The following FAM111B variants were observed in gnomAD, a reference collection of about 807,000 sequenced individuals.
FAM111B encodes serine protease FAM111B.
Under a neutral mutation model 2.8 loss-of-function variants are expected in FAM111B, and 1 was observed. That is an observed-to-expected ratio of 0.36 (90% confidence interval 0.13 to 1.70). The LOEUF is 1.70. FAM111B is among the 40% of genes most tolerant of loss of function. The pLI is 0.35. For synonymous variants in FAM111B, 297 were observed against 295.6 expected, an observed-to-expected ratio of 1.00 and a Z score of -0.05; for missense variants, 882 against 878.9, an observed-to-expected ratio of 1.00 and a Z score of -0.04.
chr11:59,120,363 T>C (rs1056570266), intron 3 of FAM111B, among the ~76,000 whole-genome samples: 2 of 152,218 alleles, frequency 1.3e-5, no homozygotes, highest in African/African-American at 4.8e-5. Flanking sequence ...AATTCATATG[T>C]TTAAATCCTA....
chr11:59,118,230 A>G (rs1473280983), intron 3 of FAM111B, among the ~76,000 whole-genome samples: 7 of 152,114 alleles, frequency 4.6e-5, no homozygotes, highest in Non-Finnish European at 1.0e-4. Context: ...CTTTTGATTC[A>G]GTTCCAGGAA....
intron 3 of FAM111B, among the ~76,000 whole-genome samples, chr11:59,114,689 G>A (rs989244200): frequency 1.3e-5 from 2 of 152,100 alleles, no homozygotes; most frequent in Non-Finnish European, 2.9e-5. Flanking sequence ...AACATTTCTT[G>A]CAAACCTACG....
chr11:59,109,799 G>A (rs572957821), intron 3 of FAM111B, 93 bp downstream of exon 3: 158 of 750,602 alleles, frequency 2.1e-4, no homozygotes, highest in Non-Finnish European at 2.8e-4. Context: ...AACAATGGTC[G>A]TTATAAGCCC....
intron 3 of FAM111B, among the ~76,000 whole-genome samples, chr11:59,119,934 A>T (rs1005270347): frequency 2.0e-5 from 3 of 152,222 alleles, no homozygotes; most frequent in Admixed American, 2.0e-4. Flanking sequence ...TTTTGAAACA[A>T]AAAATATTTA....
At chr11:59,109,429 C>G in intron 2 of FAM111B, 111 bp from the exon 3 acceptor site, 1 of 461,770 alleles carries the variant, frequency 2.2e-6, no homozygotes, top group Non-Finnish European at 3.9e-6. Flanking sequence ...AGCCATAGGG[C>G]TTACCTCATA....
intron 3 of FAM111B, among the ~76,000 whole-genome samples, chr11:59,113,844 T>A (rs1859799176): frequency 6.6e-6 from 1 of 152,192 alleles, no homozygotes; most frequent in African/African-American, 2.4e-5. Flanking sequence ...GTTTTCCAAT[T>A]TGACAGAAAA....
At chr11:59,118,813 G>T (rs1482886948) in intron 3 of FAM111B, among the ~76,000 whole-genome samples, 2 of 152,088 alleles carry the variant, frequency 1.3e-5, no homozygotes, top group East Asian at 3.8e-4. Flanking sequence ...ATGATTCTGT[G>T]TATATATAGA....
chr11:59,113,976 C>T (rs1431219045), intron 3 of FAM111B, among the ~76,000 whole-genome samples: 1 of 152,202 alleles, frequency 6.6e-6, no homozygotes, highest in Admixed American at 6.5e-5. Flanking sequence ...CTCTTGTGAA[C>T]CTTACATTTT....
chr11:59,118,665 G>A (rs564187883), intron 3 of FAM111B, among the ~76,000 whole-genome samples: 7 of 152,218 alleles, frequency 4.6e-5, no homozygotes, highest in Non-Finnish European at 1.0e-4. Context: ...AATCCTACAC[G>A]ATTAAGTATG....
At position 59,124,230 on chromosome 11, in the gene FAM111B, TC is replaced by T. The variant is rs1565190167; in HGVS notation, c.134del (p.Ser45LeufsTer3). The part of the protein sequence containing the change: ...HADTPVDHCL[S>X]GIRKCSSTFK... The stretch of plus-strand genomic sequence containing the variant: ...TGACACACCTGTTGATCATTGTCTA[TC>T]TGGCATAAGAAAGTGTAGCAGCACC... On this transcript the variant is annotated frameshift_variant, in exon 4 of 4. Transcript: ENST00000343597. LOFTEE classifies it low-confidence loss of function (END_TRUNC). 6.2e-7 allele frequency: 1 copy of T among 1,613,822 alleles called. No homozygotes were observed. The highest frequency in any genetic ancestry group is 1.1e-5 in the South Asian group (1 of 91,050).
At chr11:59,114,864 A>G (rs889484653) in intron 3 of FAM111B, among the ~76,000 whole-genome samples, 3 of 152,072 alleles carry the variant, frequency 2.0e-5, no homozygotes, top group Non-Finnish European at 4.4e-5. Flanking sequence ...AAGGGAAAAG[A>G]GAATGGCGGA....
intron 3 of FAM111B, among the ~76,000 whole-genome samples, chr11:59,114,405 G>A (rs548788925): frequency 2.0e-5 from 3 of 152,256 alleles, no homozygotes; most frequent in South Asian, 4.1e-4. Context: ...AAAGAGGAGG[G>A]GGCCTGCAGT....
At chr11:59,115,137 T>A (rs1859820261) in intron 3 of FAM111B, among the ~76,000 whole-genome samples, 1 of 152,166 alleles carries the variant, frequency 6.6e-6, no homozygotes, top group Admixed American at 6.5e-5. Flanking sequence ...GTTTTCCTCA[T>A]CAGACAAGAG....
chr11:59,117,744 A>G (rs1371571057), intron 3 of FAM111B, among the ~76,000 whole-genome samples: 1 of 152,210 alleles, frequency 6.6e-6, no homozygotes, highest in Non-Finnish European at 1.5e-5. Flanking sequence ...ACCCCAGGCA[A>G]AGCCTTCTTC....
chr11:59,122,628 C>A (rs991691177), intron 3 of FAM111B, among the ~76,000 whole-genome samples: 2 of 152,066 alleles, frequency 1.3e-5, no homozygotes, highest in African/African-American at 4.8e-5. Context: ...AAGAGGGGCA[C>A]AATTAAATTT....
chr11:59,113,684 C>T (rs1859796284), intron 3 of FAM111B, among the ~76,000 whole-genome samples: 2 of 152,182 alleles, frequency 1.3e-5, no homozygotes, highest in South Asian at 2.1e-4. Flanking sequence ...GATGGAGTCA[C>T]GTCTCTATCA....
chr11:59,111,152 C>T (rs1203918312), intron 3 of FAM111B, among the ~76,000 whole-genome samples: 1 of 152,146 alleles, frequency 6.6e-6, no homozygotes, highest in Non-Finnish European at 1.5e-5. Flanking sequence ...AGATGCTTTA[C>T]TCTCCCTATA....
Position 59,124,953 on chromosome 11 carries a change from A to G in FAM111B, c.856A>G (p.Asn286Asp). 6.2e-7 allele frequency: 1 copy of G among 1,609,742 alleles called. No individual in the cohort carries two copies. Among genetic ancestry groups the G allele is most frequent in the East Asian group, 2.2e-5 (1 of 44,856 alleles). The change falls in exon 4 of 4, where the codon AAT becomes GAT. Residue 286 changes from asparagine (N) to aspartate (D), a missense_variant. Physicochemically the swap from Asn to Asp is conservative, Grantham distance 23. Transcript: ENST00000343597. ...QKDIHKKIKQ[N>D]ESATDEINHQ... ...AGATATCCATAAAAAAATTAAACAGAATGAAAGTGCCACTGATGAAATTAA... is the reference window on the plus strand; with the variant it reads ...AGATATCCATAAAAAAATTAAACAGGATGAAAGTGCCACTGATGAAATTAA...
intron 1 of FAM111B, among the ~76,000 whole-genome samples, chr11:59,107,920 C>T (rs1200768847): frequency 6.6e-6 from 1 of 152,290 alleles, no homozygotes; most frequent in African/African-American, 2.4e-5. Flanking sequence ...TACTGACATC[C>T]AGTCTCTGTT....
Sources: allele counts gnomAD v4.1 joint callset (sites outside exome capture counted in the v4.1 genomes callset), GRCh38; gene constraint gnomAD v4.1.1; transcripts MANE v1.5; gene names NCBI Gene and HGNC (gene_info 2026-07-23, HGNC 2026-07-21).